The following MAGEB2 variants were observed in gnomAD, a reference collection of about 807,000 sequenced individuals.
MAGEB2 encodes the protein melanoma-associated antigen B2.
For synonymous variants in MAGEB2, 107 were observed against 96.2 expected (o/e 1.11, Z -0.66); for missense variants, 365 against 243.2 (o/e 1.50, Z -3.33).
At position 30,218,586 on chromosome X, in the gene MAGEB2, T is replaced by C; in HGVS notation, c.6T>C (p.Pro2=). ...TCTTGGTTTACCCAGCCATCATGCCTCGTGGTCAGAAGAGTAAGCTCCGTG... is the reference window on the plus strand; with the variant it reads ...TCTTGGTTTACCCAGCCATCATGCCCCGTGGTCAGAAGAGTAAGCTCCGTG... M[P]RGQKSKLRAR... is the part of the protein sequence containing the mutation. The change falls in exon 2 of 2, where the codon CCT becomes CCC. Residue 2 remains proline (P), a synonymous_variant. Coordinates refer to ENST00000378988, the MANE Select transcript of MAGEB2 (RefSeq NM_002364.5). The C allele has an allele frequency of 1.7e-6, 2 of 1,202,305 alleles. No individual in the cohort carries two copies. The highest frequency in any genetic ancestry group is 2.2e-6 in the Non-Finnish European group (2 of 890,127).
Position 30,218,962 on chromosome X carries a change from A to ATAT in MAGEB2, c.384_385insTTA (p.Ile128_Lys129insLeu), listed in dbSNP as rs746102460. On this transcript the variant is annotated inframe_insertion, in exon 2 of 2. Coordinates refer to ENST00000378988, the MANE Select transcript of MAGEB2 (RefSeq NM_002364.5). ...GCAGTTCCTGTTGTACAAGTATAAA[A>ATAT]TAAAAAAGTCCGTTACAAAGGGAGA... 9 of 1,210,743 alleles carry ATAT rather than the reference A, an allele frequency of 7.4e-6. No homozygotes were observed. Among genetic ancestry groups the ATAT allele is most frequent in the Non-Finnish European group, 1.0e-5 (9 of 894,869 alleles).
chrX:30,218,751 C>T lies in MAGEB2; in HGVS notation c.171C>T (p.Gly57=), dbSNP rs1403732644. ...GGAASSSPAA[G]IPQEPQRAPT... ...CTGCTTCAAGCTCTCCTGCTGCTGG[C>T]ATTCCCCAGGAGCCTCAGAGAGCCC... The change falls in exon 2 of 2, where the codon GGC becomes GGT. Residue 57 remains glycine, a synonymous_variant. Transcript: ENST00000378988. 8.4e-7 allele frequency: 1 copy of T among 1,194,297 alleles called. No individual in the cohort carries two copies. The highest frequency in any genetic ancestry group is 1.7e-5 in the African/African-American group (1 of 57,472).
chrX:30,219,628 G>A lies in MAGEB2; in HGVS notation c.*88G>A, dbSNP rs1924514635. 1.2e-6 allele frequency: 1 copy of A among 828,694 alleles called. No homozygotes were observed. Among genetic ancestry groups the A allele is most frequent in the Non-Finnish European group, 1.7e-6 (1 of 595,516 alleles). 68.3% of individuals were successfully genotyped at this position (828,694 alleles called of 1,213,427 possible). Reference sequence around the variant, plus strand: ...TACCTGCTGTTCTCACCCCCAATGAGGTCTTAGGCAGATTCTTTACTTTGT... The same window carrying A: ...TACCTGCTGTTCTCACCCCCAATGAAGTCTTAGGCAGATTCTTTACTTTGT... On this transcript the variant is annotated 3_prime_UTR_variant, in exon 2 of 2. Coordinates refer to ENST00000378988, the MANE Select transcript of MAGEB2 (RefSeq NM_002364.5).
chrX:30,218,438 G>C (rs1292107741), intron 1 of MAGEB2, 138 bp from the exon 2 acceptor site: 2 of 905,264 alleles, frequency 2.2e-6, no homozygotes, highest in Non-Finnish European at 3.0e-6. Context: ...AGTGCCTTCA[G>C]GGAAACTTGC....
chrX:30,216,466 A>G (rs765145840), intron 1 of MAGEB2, among the ~76,000 whole-genome samples: 1 of 111,503 alleles, frequency 9.0e-6, no homozygotes, highest in African/African-American at 3.3e-5. Flanking sequence ...GGGGACTCCA[A>G]CCAGAAAGAA....
At chrX:30,217,018 C>T (rs1264614483) in intron 1 of MAGEB2, among the ~76,000 whole-genome samples, 1 of 110,629 alleles carries the variant, frequency 9.0e-6, no homozygotes, top group African/African-American at 3.3e-5. Flanking sequence ...ACACAATCCT[C>T]AGTACTGTCA....
At chrX:30,217,494 A>G (rs186062515) in intron 1 of MAGEB2, among the ~76,000 whole-genome samples, 2 of 112,335 alleles carry the variant, frequency 1.8e-5, no homozygotes, top group Non-Finnish European at 1.9e-5. Flanking sequence ...CTCCACCTCC[A>G]ACATTGAGGA....
chrX:30,219,041 A>G lies in MAGEB2; in HGVS notation c.461A>G (p.Lys154Arg), dbSNP rs1371259981. The change falls in exon 2 of 2, where the codon AAG becomes AGG. Residue 154 changes from lysine to arginine, a missense_variant. Coordinates refer to ENST00000378988, the MANE Select transcript of MAGEB2 (RefSeq NM_002364.5). Reference sequence around the variant, plus strand: ...AGGGAGCACTTCCCTGAGATCCTCAAGAAAGCCTCTGAGGGCCTCAGTGTT... The same window carrying G: ...AGGGAGCACTTCCCTGAGATCCTCAGGAAAGCCTCTGAGGGCCTCAGTGTT... The part of the protein sequence containing the change: ...RFREHFPEIL[K>R]KASEGLSVVF... 1.7e-6 allele frequency: 2 copies of G among 1,211,408 alleles called. No individual in the cohort carries two copies. Among genetic ancestry groups the G allele is most frequent in the Non-Finnish European group, 2.2e-6 (2 of 895,196 alleles).
At position 30,219,595 on chromosome X, in the gene MAGEB2, G is replaced by A. The variant is rs1924513174; in HGVS notation, c.*55G>A. On this transcript the variant is annotated 3_prime_UTR_variant, in exon 2 of 2. Transcript: ENST00000378988. Reference sequence around the variant, plus strand: ...TGCCATAGCCAATCAATCTCCCAAAGCCAAGTTTACCTGCTGTTCTCACCC... The same window carrying A: ...TGCCATAGCCAATCAATCTCCCAAAACCAAGTTTACCTGCTGTTCTCACCC... 5 of 1,079,921 alleles carry A rather than the reference G, an allele frequency of 4.6e-6. No homozygotes were observed. The highest frequency in any genetic ancestry group is 6.2e-6 in the Non-Finnish European group (5 of 804,632). 89.0% of individuals were successfully genotyped at this position (1,079,921 alleles called of 1,213,427 possible).
chrX:30,217,730 T>A (rs1183767568), intron 1 of MAGEB2, among the ~76,000 whole-genome samples: 1 of 111,949 alleles, frequency 8.9e-6, no homozygotes, highest in Non-Finnish European at 1.9e-5. Flanking sequence ...GGATGTTCAC[T>A]CTTACCATGA....
chrX:30,218,917 A>G lies in MAGEB2; in HGVS notation c.337A>G (p.Arg113Gly), dbSNP rs1924479862. The G allele has an allele frequency of 4.1e-6, 5 of 1,210,868 alleles. No individual in the cohort carries two copies. Among genetic ancestry groups the G allele is most frequent in the Non-Finnish European group, 5.6e-6 (5 of 894,859 alleles). Residue 113 changes from arginine to glycine, a missense_variant, in exon 2 of 2, where the codon AGG becomes GGG. By Grantham distance (125) the Arg-to-Gly change is moderately radical. Transcript: ENST00000378988. ...TKSPSEDPLT[R>G]KSGSLVQFLL... ...GAGCCCAAGCGAAGATCCTCTAACC[A>G]GGAAGTCAGGGTCGTTGGTGCAGTT...
chrX:30,217,848 A>C (rs1163629747), intron 1 of MAGEB2, among the ~76,000 whole-genome samples: 1 of 112,260 alleles, frequency 8.9e-6, no homozygotes, highest in African/African-American at 3.2e-5. Flanking sequence ...GAGACATCAA[A>C]GAATCCAGTC....
chrX:30,218,342 C>T (rs927782765), intron 1 of MAGEB2, among the ~76,000 whole-genome samples: 2 of 111,975 alleles, frequency 1.8e-5, no homozygotes, highest in Admixed American at 9.4e-5. Context: ...CAGTCTGAAA[C>T]TCACTGTAGG....
Position 30,219,024 on chromosome X carries a change from C to T in MAGEB2, c.444C>T (p.His148=), listed in dbSNP as rs906197601. The part of the protein sequence containing the change: ...LKIVGKRFRE[H]FPEILKKASE... The stretch of plus-strand genomic sequence containing the variant: ...TTGTTGGCAAAAGGTTCAGGGAGCA[C>T]TTCCCTGAGATCCTCAAGAAAGCCT... The change falls in exon 2 of 2, where the codon CAC becomes CAT. Residue 148 remains histidine, a synonymous_variant. Coordinates refer to ENST00000378988, the MANE Select transcript of MAGEB2 (RefSeq NM_002364.5). 3.4e-5 allele frequency: 41 copies of T among 1,209,274 alleles called. No individual in the cohort carries two copies. Among genetic ancestry groups the T allele is most frequent in the Non-Finnish European group, 4.2e-5 (38 of 894,773 alleles).
intron 1 of MAGEB2, among the ~76,000 whole-genome samples, chrX:30,215,934 C>A (rs1222109425): frequency 9.0e-6 from 1 of 111,296 alleles, no homozygotes; most frequent in Non-Finnish European, 1.9e-5. Flanking sequence ...AAGAGAACAT[C>A]TCCTACCCTT....
rs368622211 is a variant in MAGEB2, at chrX:30,219,707, CTT to C, written c.*177_*178del. 31 of 325,046 alleles carry C rather than the reference CTT, an allele frequency of 9.5e-5. No individual in the cohort carries two copies. Among genetic ancestry groups the C allele is most frequent in the African/African-American group, 5.5e-4 (20 of 36,425 alleles). 26.8% of individuals were successfully genotyped at this position (325,046 alleles called of 1,213,427 possible). A position where few individuals can be genotyped will look rare whatever the true frequency, so the allele number is the denominator to read the frequency against. On this transcript the variant is annotated 3_prime_UTR_variant, in exon 2 of 2. Coordinates refer to ENST00000378988, the MANE Select transcript of MAGEB2 (RefSeq NM_002364.5). ...TTGTTATGCATGAATAACTTGTTGA[CTT>C]TTTTTTTTTCTCTTTTTCAACTAGT...
chrX:30,219,410 C>G lies in MAGEB2; in HGVS notation c.830C>G (p.Pro277Arg). The G allele has an allele frequency of 8.3e-7, 1 of 1,209,932 alleles. No homozygotes were observed. The highest frequency in any genetic ancestry group is 2.3e-4 in the Middle Eastern group (1 of 4,354). Residue 277 changes from proline to arginine, a missense_variant, in exon 2 of 2, where the codon CCG (proline) becomes CGG (arginine). Pro to Arg is a moderately radical substitution (Grantham distance 103). Transcript: ENST00000378988. ...DPPRFQFLWG[P>R]RAYAETSKMK... ...CCACGCTTTCAATTCCTGTGGGGTC[C>G]GAGAGCCTATGCTGAAACCAGCAAG...
intron 1 of MAGEB2, among the ~76,000 whole-genome samples, chrX:30,218,060 C>T (rs964727098): frequency 9.0e-6 from 1 of 111,445 alleles, no homozygotes; most frequent in Non-Finnish European, 1.9e-5. Flanking sequence ...TCTAATGATT[C>T]CAAGACATCA....
At chrX:30,218,066 C>T (rs776157928) in intron 1 of MAGEB2, among the ~76,000 whole-genome samples, 36 of 111,560 alleles carry the variant, frequency 3.2e-4, no homozygotes, top group African/African-American at 9.8e-4. Context: ...GATTCCAAGA[C>T]ATCAAAGACC....
Sources: gnomAD v4.1 joint callset for allele counts (sites outside exome capture counted in the v4.1 genomes callset) on GRCh38, gnomAD v4.1.1 for gene constraint, MANE v1.5 for transcripts, NCBI Gene and HGNC (gene_info 2026-07-23, HGNC 2026-07-21) for gene names.